Variants in DMC1 observed in about 807,000 individuals in gnomAD.
DMC1 encodes meiotic recombination protein DMC1 homolog.
Under a neutral mutation model 50.1 loss-of-function variants are expected in DMC1, and 27 were observed. That is an observed-to-expected ratio of 0.54 (90% CI 0.40 to 0.74). The LOEUF (loss-of-function observed/expected upper bound fraction) is 0.74, where lower values mean the gene tolerates loss of function less well. DMC1 is among the 30% of genes least tolerant of loss of function. The pLI is 0.00. For synonymous variants in DMC1, 148 were observed against 136.1 expected (o/e 1.09, Z -0.61); for missense variants, 295 against 420.2 (o/e 0.70, Z 2.60).
chr22:38,536,336 G>A (rs2090212649), intron 12 of DMC1, among the ~76,000 whole-genome samples: 1 of 152,098 alleles, frequency 6.6e-6, no homozygotes, highest in Non-Finnish European at 1.5e-5. Context: ...TGTGTATTTA[G>A]GATTATTTTG....
At chr22:38,546,484 T>C (rs1034038604) in intron 8 of DMC1, among the ~76,000 whole-genome samples, 85 of 152,136 alleles carry the variant, frequency 5.6e-4, no homozygotes, top group African/African-American at 2.0e-3. Context: ...TAATCAATTG[T>C]TTCTGAAACC....
chr22:38,539,531 G>A, intron 8 of DMC1, 119 bp from the exon 9 acceptor site: 3 of 798,682 alleles, frequency 3.8e-6, no homozygotes, highest in Non-Finnish European at 6.4e-6. Flanking sequence ...ACCTGTGAAG[G>A]TATTCTAGAG....
intron 8 of DMC1, among the ~76,000 whole-genome samples, chr22:38,546,459 G>GA (rs2090346172): frequency 6.6e-6 from 1 of 151,950 alleles, no homozygotes; most frequent in African/African-American, 2.4e-5. Flanking sequence ...CCCTCTCTGA[G>GA]ATAAGAATCA....
chr22:38,528,488 A>T lies in DMC1; in HGVS notation c.837-6764T>A, dbSNP rs2090120405. Among the ~76,000 whole-genome samples the T allele has an allele frequency of 2.0e-5, 3 of 151,622 alleles. No individual in the cohort carries two copies. In the South Asian group the frequency reaches 6.3e-4, roughly 32 times the overall value. ...AAGAGATCCTCGATAAAGGATAATT[A>T]TTGGCTGGGCACAGTGGCTCACGCT... On this transcript the variant is annotated intron_variant, in intron 12 of 13. Coordinates refer to ENST00000216024, the MANE Select transcript of DMC1 (RefSeq NM_007068.4).
chr22:38,516,936 C>T (rs532264432), downstream of DMC1, among the ~76,000 whole-genome samples: 6 of 152,274 alleles, frequency 3.9e-5, no homozygotes, highest in East Asian at 7.7e-4. Flanking sequence ...AGTGATTCTC[C>T]CATCTCAGCC....
intron 5 of DMC1, among the ~76,000 whole-genome samples, chr22:38,558,822 T>G (rs958022516): frequency 3.3e-5 from 5 of 152,192 alleles, no homozygotes; most frequent in Non-Finnish European, 7.3e-5. Context: ...TAATTATTTC[T>G]TTAGCCCAGT....
At chr22:38,553,267 G>T (rs930708515) in intron 6 of DMC1, among the ~76,000 whole-genome samples, 4 of 150,946 alleles carry the variant, frequency 2.6e-5, no homozygotes, top group Non-Finnish European at 4.4e-5. Flanking sequence ...GGGAGGCTGA[G>T]GCGGGTGGAT....
rs992323039 is a variant in DMC1 at position 38,536,261 on chromosome 22, A to T, written c.836+1331T>A. 3.3e-5 allele frequency among the ~76,000 whole-genome samples: 5 copies of T among 151,346 alleles called. No homozygotes were observed. In the East Asian group the frequency reaches 9.7e-4, roughly 29 times the overall value. On this transcript the variant is annotated intron_variant, in intron 12 of 13. Transcript: ENST00000216024. ...CACACTTTAAAAAAGCATTATCATG[A>T]ATTTAGATTTGTTTTGCTTTGTTTG... is the stretch of plus-strand genomic sequence containing the variant.
chr22:38,525,230 T>A (rs2090075208), intron 12 of DMC1, among the ~76,000 whole-genome samples: 1 of 152,140 alleles, frequency 6.6e-6, no homozygotes, highest in African/African-American at 2.4e-5. Flanking sequence ...GCAGAATGAA[T>A]ACAGAGATGA....
chr22:38,522,100 C>T (rs1320806417), intron 12 of DMC1, among the ~76,000 whole-genome samples: 2 of 151,672 alleles, frequency 1.3e-5, no homozygotes, highest in South Asian at 2.1e-4. Flanking sequence ...TACAGGTGCC[C>T]ACCACCACGC....
intron 5 of DMC1, among the ~76,000 whole-genome samples, chr22:38,558,205 A>G (rs979586534): frequency 6.6e-6 from 1 of 151,236 alleles, no homozygotes; most frequent in African/African-American, 2.4e-5. Context: ...CAGCCTCCCA[A>G]AGTGTTGGGA....
chr22:38,516,860 C>T (rs560865945), downstream of DMC1, among the ~76,000 whole-genome samples: 8 of 152,300 alleles, frequency 5.3e-5, no homozygotes, highest in East Asian at 1.5e-3. Context: ...CAGGGTCTCA[C>T]TGTCGCCCAG....
downstream of DMC1, among the ~76,000 whole-genome samples, chr22:38,518,075 A>C (rs2089988746): frequency 6.6e-6 from 1 of 151,314 alleles, no homozygotes; most frequent in Non-Finnish European, 1.5e-5. Context: ...TGGGTTCATG[A>C]GATTTTCCTG....
intron 8 of DMC1, among the ~76,000 whole-genome samples, chr22:38,547,855 T>C (rs1301036299): frequency 6.6e-6 from 1 of 152,016 alleles, no homozygotes; most frequent in East Asian, 1.9e-4. Context: ...CTTTCATTGG[T>C]CAATTTCATA....
At chr22:38,549,635 T>G in intron 8 of DMC1, 1 of 257,320 alleles carries the variant, frequency 3.9e-6, no homozygotes. Flanking sequence ...AAAAAAAAAA[T>G]CTTTTTTCTA....
At chr22:38,546,308 G>T (rs1027249365) in intron 8 of DMC1, among the ~76,000 whole-genome samples, 2 of 151,902 alleles carry the variant, frequency 1.3e-5, no homozygotes, top group Non-Finnish European at 2.9e-5. Context: ...AGAATCGCTT[G>T]AACCTGGGAG....
At chr22:38,525,991 A>C (rs1200926735) in intron 12 of DMC1, among the ~76,000 whole-genome samples, 1 of 151,048 alleles carries the variant, frequency 6.6e-6, no homozygotes, top group Non-Finnish European at 1.5e-5. Context: ...AAAAAAAGAA[A>C]AAGAAAGATA....
chr22:38,536,827 A>T (rs138353605), intron 12 of DMC1, among the ~76,000 whole-genome samples: 300 of 152,300 alleles, frequency 2.0e-3, no homozygotes, highest in Middle Eastern at 0.014. Flanking sequence ...ATTTACAATT[A>T]TGAAGTCATA....
In DMC1 at chr22:38,537,662, G is replaced by C; in HGVS notation, c.776-10C>G. On this transcript the variant is annotated splice_polypyrimidine_tract_variant and intron_variant, in intron 11 of 13. Coordinates refer to ENST00000216024, the MANE Select transcript of DMC1 (RefSeq NM_007068.4). ...ACAGCCACGTTATATTCTGCATCAAGAGATAAAATTTTAAAACTATGAGAA... is the reference window on the plus strand; with the variant it reads ...ACAGCCACGTTATATTCTGCATCAACAGATAAAATTTTAAAACTATGAGAA... The C allele has an allele frequency of 6.2e-7, 1 of 1,612,310 alleles. No homozygotes were observed. Among genetic ancestry groups the C allele is most frequent in the Non-Finnish European group, 8.5e-7 (1 of 1,178,466 alleles).
Sources: allele counts gnomAD v4.1 joint callset (sites outside exome capture counted in the v4.1 genomes callset), GRCh38; gene constraint gnomAD v4.1.1; transcripts MANE v1.5; gene names NCBI Gene and HGNC (gene_info 2026-07-23, HGNC 2026-07-21).